The following MACROH2A2 variants were observed in gnomAD, a reference collection of about 807,000 sequenced individuals.
The protein encoded by MACROH2A2 is macroH2A.2 histone, also known as core histone macro-H2A.2.
MACROH2A2 carries 6 observed loss-of-function variants against 37.6 expected under a neutral mutation model. That is an observed-to-expected ratio of 0.16 (90% CI 0.09 to 0.32). The LOEUF (loss-of-function observed/expected upper bound fraction) is 0.32. MACROH2A2 is among the 10% of genes least tolerant of loss of function. The pLI is 1.00. For missense variants in MACROH2A2, 290 were observed against 485.9 expected (o/e 0.60, Z 3.79); for synonymous variants, 192 against 202.7 (o/e 0.95, Z 0.45).
intron 6 of MACROH2A2, 145 bp from the exon 7 acceptor site, chr10:70,100,063 T>G: frequency 1.8e-6 from 1 of 541,804 alleles, no homozygotes; most frequent in East Asian, 3.0e-5. Context: ...CCCTGACCAC[T>G]GGCAAACCAG....
rs1275437395 is a variant in MACROH2A2 at position 70,101,549 on chromosome 10, T to G, written c.778+1252T>G. On this transcript the variant is annotated intron_variant, in intron 7 of 8. Transcript: ENST00000373255. ...CGTTTTCGAATCTGGACCCCGGACA[T>G]GTTCCAAGACTCTTTTACATTACGT... 2.0e-5 allele frequency among the ~76,000 whole-genome samples: 3 copies of G among 152,336 alleles called. No homozygotes were observed. In the East Asian group the frequency reaches 5.8e-4, roughly 29 times the overall value.
intron 2 of MACROH2A2, among the ~76,000 whole-genome samples, chr10:70,088,416 C>T (rs192790111): frequency 3.0e-4 from 45 of 152,210 alleles, no homozygotes; most frequent in Admixed American, 2.7e-3. Context: ...TTTGATTTAG[C>T]AGAACATCCT....
intron 1 of MACROH2A2, among the ~76,000 whole-genome samples, chr10:70,054,453 C>G (rs1304924722): frequency 1.3e-5 from 2 of 152,164 alleles, no homozygotes; most frequent in Non-Finnish European, 2.9e-5. Flanking sequence ...CCAGGATCCC[C>G]TAGGGGCCAT....
chr10:70,109,622 A>C (rs1388572863), intron 8 of MACROH2A2, among the ~76,000 whole-genome samples: 1 of 152,244 alleles, frequency 6.6e-6, no homozygotes. Context: ...AGTGTGGTCC[A>C]TAGGCAGCAG....
At chr10:70,091,239 C>T (rs1485418651) in intron 3 of MACROH2A2, among the ~76,000 whole-genome samples, 3 of 152,232 alleles carry the variant, frequency 2.0e-5, no homozygotes, top group Non-Finnish European at 4.4e-5. Flanking sequence ...TGCTTTACTT[C>T]GTTTTGCTTT....
intron 2 of MACROH2A2, among the ~76,000 whole-genome samples, 200 bp downstream of exon 2, chr10:70,076,030 G>A (rs1239805887): frequency 6.6e-6 from 1 of 152,178 alleles, no homozygotes; most frequent in Non-Finnish European, 1.5e-5. Context: ...GGTATAGGAA[G>A]GACAGGTGAT....
At chr10:70,070,347 G>T (rs2072102073) in intron 1 of MACROH2A2, among the ~76,000 whole-genome samples, 1 of 152,120 alleles carries the variant, frequency 6.6e-6, no homozygotes, top group South Asian at 2.1e-4. Flanking sequence ...AGCCACAGAG[G>T]GAAAAACTTA....
At chr10:70,055,833 A>G (rs1208160948) in intron 1 of MACROH2A2, among the ~76,000 whole-genome samples, 1 of 152,192 alleles carries the variant, frequency 6.6e-6, no homozygotes, top group African/African-American at 2.4e-5. Flanking sequence ...ATGTATAAGG[A>G]TGTTCATTGC....
In MACROH2A2 at chr10:70,079,561, G is replaced by GCA. The variant is rs1437308027; in HGVS notation, c.172+3732_172+3733insAC. On this transcript the variant is annotated intron_variant, in intron 2 of 8. Coordinates refer to ENST00000373255, the MANE Select transcript of MACROH2A2 (RefSeq NM_018649.3). ...GGCCACGTTGAGGGTTCGCGCGCGC[G>GCA]CGCGCACACACACACACACACACAC... 3.7e-3 allele frequency among the ~76,000 whole-genome samples: 310 copies of GCA among 83,672 alleles called. 2 individuals carry two copies. The highest frequency in any genetic ancestry group is 0.013 in the African/African-American group (285 of 21,726). 54.9% of individuals were successfully genotyped at this position (83,672 alleles called of 152,430 possible).
chr10:70,111,771 G>C lies in MACROH2A2; in HGVS notation c.*88G>C. ...TTAAAAGGAGAGAGGAGGGGTGATG[G>C]CAGGGGAGTGGAGGGTGGCCGGGCA... is the stretch of plus-strand genomic sequence containing the variant. On this transcript the variant is annotated 3_prime_UTR_variant, in exon 9 of 9. Coordinates refer to ENST00000373255, the MANE Select transcript of MACROH2A2 (RefSeq NM_018649.3). The C allele has an allele frequency of 8.3e-7, 1 of 1,206,112 alleles. No individual in the cohort carries two copies. Among genetic ancestry groups the C allele is most frequent in the African/African-American group, 1.5e-5 (1 of 65,030 alleles). The allele number at this position is 1,206,112 out of a possible 1,614,324, so 74.7% of individuals were successfully genotyped here. A position where few individuals can be genotyped will look rare whatever the true frequency, so the allele number is the denominator to read the frequency against.
At chr10:70,108,443 A>G (rs1461596629) in intron 7 of MACROH2A2, among the ~76,000 whole-genome samples, 2 of 152,000 alleles carry the variant, frequency 1.3e-5, no homozygotes, top group South Asian at 4.1e-4. Flanking sequence ...TCCAGCTTCT[A>G]AGCTGCAACA....
rs958867600 is a variant in MACROH2A2 at position 70,052,924 on chromosome 10, C to T, written c.-136C>T. 1.3e-5 allele frequency: 2 copies of T among 152,594 alleles called. No individual in the cohort carries two copies. Among genetic ancestry groups the T allele is most frequent in the Non-Finnish European group, 2.9e-5 (2 of 68,124 alleles). 9.5% of individuals were successfully genotyped at this position (152,594 alleles called of 1,614,324 possible). A position where few individuals can be genotyped will look rare whatever the true frequency, so the allele number is the denominator to read the frequency against. ...CAAAGAGTCCTGCCCGGCACCGGCG[C>T]CGCGTGGGCCAAACCTGCGCCCGTG... is the stretch of plus-strand genomic sequence containing the variant. On this transcript the variant is annotated 5_prime_UTR_variant, in exon 1 of 9. Coordinates refer to ENST00000373255, the MANE Select transcript of MACROH2A2 (RefSeq NM_018649.3).
chr10:70,106,139 G>T (rs2072336324), intron 7 of MACROH2A2, among the ~76,000 whole-genome samples: 1 of 152,220 alleles, frequency 6.6e-6, no homozygotes, highest in Non-Finnish European at 1.5e-5. Flanking sequence ...CCCTTTTGCT[G>T]TGGTGACTCC....
intron 1 of MACROH2A2, among the ~76,000 whole-genome samples, chr10:70,065,372 C>T (rs967038827): frequency 5.3e-5 from 8 of 152,254 alleles, no homozygotes; most frequent in Admixed American, 2.6e-4. Context: ...CCACCGCGCC[C>T]GGCCTTGTCC....
chr10:70,107,732 T>C lies in MACROH2A2; in HGVS notation c.779-1301T>C, dbSNP rs991882652. Among the ~76,000 whole-genome samples the C allele has an allele frequency of 6.6e-6, 1 of 152,146 alleles. No individual in the cohort carries two copies. Among genetic ancestry groups the C allele is most frequent in the Non-Finnish European group, 1.5e-5 (1 of 68,024 alleles). ...TCACAGCCCGCTTTTGAAACCCCAC[T>C]CTCTGCAGGGCATGTGGAGATCATC... On this transcript the variant is annotated intron_variant, in intron 7 of 8. Coordinates refer to ENST00000373255, the MANE Select transcript of MACROH2A2 (RefSeq NM_018649.3). The surrounding 1 kb of genome is among the most constrained non-coding windows in gnomAD (Gnocchi z 4.4).
intron 2 of MACROH2A2, among the ~76,000 whole-genome samples, chr10:70,085,166 C>T (rs1414553475): frequency 6.6e-6 from 1 of 152,136 alleles, no homozygotes; most frequent in Admixed American, 6.5e-5. Flanking sequence ...TCCTAGATCT[C>T]TGGTAGGAGC....
At chr10:70,072,872 G>A (rs529938707) in intron 1 of MACROH2A2, among the ~76,000 whole-genome samples, 11 of 152,224 alleles carry the variant, frequency 7.2e-5, no homozygotes, top group South Asian at 2.1e-4. Flanking sequence ...CAGGAGAATC[G>A]TTTGAACCCC....
chr10:70,071,471 G>A (rs943928874), intron 1 of MACROH2A2, among the ~76,000 whole-genome samples: 1 of 152,164 alleles, frequency 6.6e-6, no homozygotes, highest in African/African-American at 2.4e-5. Flanking sequence ...CTGTAAGGAT[G>A]TTAGCCACCT....
At chr10:70,067,813 A>C (rs1354018383) in intron 1 of MACROH2A2, among the ~76,000 whole-genome samples, 1 of 152,206 alleles carries the variant, frequency 6.6e-6, no homozygotes, top group African/African-American at 2.4e-5. Context: ...ATTGGAGTGT[A>C]CAGTATTACT....
Sources: allele counts gnomAD v4.1 joint callset (sites outside exome capture counted in the v4.1 genomes callset), GRCh38; gene constraint gnomAD v4.1.1; non-coding constraint Gnocchi (gnomAD v3.1); transcripts MANE v1.5; gene names NCBI Gene and HGNC (gene_info 2026-07-23, HGNC 2026-07-21).